The following PLCG2 variants were observed in gnomAD, a reference collection of about 807,000 sequenced individuals.
PLCG2 encodes the protein 1-phosphatidylinositol 4,5-bisphosphate phosphodiesterase gamma-2.
In PLCG2, 69 loss-of-function variants were observed where a neutral mutation model predicts 175.6. The observed-to-expected ratio is 0.39, with a 90% CI of 0.32 to 0.48. The LOEUF is 0.48. PLCG2 is among the 20% of genes least tolerant of loss of function. PLCG2 has a pLI of 0.91. For missense variants in PLCG2, 1,798 were observed against 1,650.9 expected (o/e 1.09, Z -1.54); for synonymous variants, 827 against 624.0 (o/e 1.33, Z -4.85).
In PLCG2 at chr16:81,946,110, CA is replaced by C. The variant is rs1264786794; in HGVS notation, c.3482-57del. 88 of 1,283,878 alleles carry C rather than the reference CA, an allele frequency of 6.9e-5. 1 individual carries two copies. In the East Asian group the frequency reaches 1.1e-3, roughly 16 times the overall value. 79.5% of individuals were successfully genotyped at this position (1,283,878 alleles called of 1,614,324 possible). On this transcript the variant is annotated intron_variant, in intron 30 of 32. Transcript: ENST00000564138. ...AGGCCTATGATCCCGAGGTAGCCTC[CA>C]AAAAAAATCTAAGGTCTGACATTAA...
chr16:81,787,916 G>A (rs1375771413), intron 2 of PLCG2, among the ~76,000 whole-genome samples: 3 of 152,162 alleles, frequency 2.0e-5, no homozygotes, highest in Non-Finnish European at 4.4e-5. Context: ...TCCTTTTTGT[G>A]GCAGAATCAC....
intron 21 of PLCG2, 62 bp from the exon 22 acceptor site, chr16:81,923,423 G>A (rs1243557735): frequency 9.0e-6 from 9 of 999,570 alleles, no homozygotes; most frequent in South Asian, 4.1e-5. Flanking sequence ...ACCTGGGAAC[G>A]CAGCCGCCTC....
At chr16:81,937,942 G>A (rs568944451) in intron 28 of PLCG2, 39 bp downstream of exon 28, 30 of 1,604,586 alleles carry the variant, frequency 1.9e-5, no homozygotes, top group Admixed American at 3.3e-5. Context: ...GGAGCCAGCC[G>A]CCCTCCCTGG....
At chr16:81,926,008 C>G (rs895068803) in intron 22 of PLCG2, among the ~76,000 whole-genome samples, 3 of 152,048 alleles carry the variant, frequency 2.0e-5, no homozygotes, top group African/African-American at 7.3e-5. Context: ...CAGGGGACCA[C>G]AGAGGAAGAG....
intron 8 of PLCG2, among the ~76,000 whole-genome samples, chr16:81,882,531 G>A (rs1234326038): frequency 6.6e-6 from 1 of 152,004 alleles, no homozygotes; most frequent in Non-Finnish European, 1.5e-5. Context: ...CGGGCGGGTG[G>A]TGTGTCGAGC....
chr16:81,776,021 C>A (rs776183439), upstream of PLCG2, among the ~76,000 whole-genome samples: 17 of 151,928 alleles, frequency 1.1e-4, no homozygotes, highest in Non-Finnish European at 1.5e-4. Context: ...TGACAGCTAA[C>A]CTGTGACAGG....
At chr16:81,751,976 T>C (rs1179889686) in intron 1 of PLCG2, among the ~76,000 whole-genome samples, 1 of 152,078 alleles carries the variant, frequency 6.6e-6, no homozygotes, top group East Asian at 1.9e-4. Flanking sequence ...GAGCCGAGAT[T>C]GTGCCACTGC....
At chr16:81,837,205 G>A (rs910904466) in intron 2 of PLCG2, among the ~76,000 whole-genome samples, 3 of 152,234 alleles carry the variant, frequency 2.0e-5, no homozygotes, top group African/African-American at 7.2e-5. Context: ...TCAGATGGAA[G>A]TCAGAAAAGT....
At chr16:81,784,592 C>G (rs1447573825) in intron 1 of PLCG2, among the ~76,000 whole-genome samples, 4 of 152,132 alleles carry the variant, frequency 2.6e-5, no homozygotes, top group African/African-American at 9.7e-5. Context: ...CCTCCAGGGA[C>G]TTGGAGGGAA....
Position 81,858,348 on chromosome 16 carries a change from T to C in PLCG2, c.423T>C (p.Ile141=). The C allele has an allele frequency of 1.2e-6, 2 of 1,612,228 alleles. No individual in the cohort carries two copies. The highest frequency in any genetic ancestry group is 3.3e-4 in the Middle Eastern group (2 of 6,058). ...CGATGAATGCGTCCACGCCCACCAT[T>C]ATCGAGAGGTAGTTGGCTTTTGCCT... The part of the protein sequence containing the change: ...QEAMNASTPT[I]IESWLRKQIY... Residue 141 remains isoleucine (I), a synonymous_variant, in exon 4 of 33, where the codon ATT becomes ATC. Coordinates refer to ENST00000564138, the MANE Select transcript of PLCG2 (RefSeq NM_002661.5).
intron 1 of PLCG2, among the ~76,000 whole-genome samples, chr16:81,754,991 C>G (rs1456471505): frequency 1.3e-5 from 2 of 152,042 alleles, no homozygotes; most frequent in Non-Finnish European, 2.9e-5. Flanking sequence ...TGTCCTTAGG[C>G]AAATTGCTTA....
Position 81,937,802 on chromosome 16 carries a change from C to T in PLCG2, c.3097C>T (p.Arg1033Cys), listed in dbSNP as rs376667295. The stretch of plus-strand genomic sequence containing the variant: ...TCACGCATTGTTTTCTCTCAATGGG[C>T]GCACGGGCTACGTTCTGCAGCCTGA... Reference protein sequence around the residue: ...MNHALFSLNGRTGYVLQPESM... With the variant: ...MNHALFSLNGCTGYVLQPESM... Residue 1033 changes from arginine to cysteine, a missense_variant, in exon 28 of 33, where the codon CGC becomes TGC. Arg to Cys is a radical substitution (Grantham distance 180). Transcript: ENST00000564138. 10 of 1,613,676 alleles carry T rather than the reference C, an allele frequency of 6.2e-6. No individual in the cohort carries two copies. Among genetic ancestry groups the T allele is most frequent in the Admixed American group, 1.7e-5 (1 of 59,986 alleles).
intron 2 of PLCG2, among the ~76,000 whole-genome samples, chr16:81,845,894 A>G (rs1269602422): frequency 6.6e-6 from 1 of 152,218 alleles, no homozygotes; most frequent in Non-Finnish European, 1.5e-5. Flanking sequence ...TATGAGTCAA[A>G]GTTCAAATGC....
chr16:81,820,394 A>G (rs1477396948), intron 2 of PLCG2, among the ~76,000 whole-genome samples: 1 of 152,118 alleles, frequency 6.6e-6, no homozygotes, highest in Non-Finnish European at 1.5e-5. Context: ...CCTTGGTTTT[A>G]GAATTTCATA....
At chr16:81,823,787 C>G (rs1370793869) in intron 2 of PLCG2, among the ~76,000 whole-genome samples, 1 of 151,822 alleles carries the variant, frequency 6.6e-6, no homozygotes, top group Non-Finnish European at 1.5e-5. Flanking sequence ...ACCTCGGTGT[C>G]CCAAAGTGCT....
rs1258934947 is a variant in PLCG2, at chr16:81,822,780, A to AAAAAAAT, written c.194-31663_194-31662insAAAAATA. Reference sequence around the variant, plus strand: ...CCATCTCAAAAAAAAAAAAAAAAAAAAGAAAAAGGCAGGAGATCAGAGTGA... The same window carrying AAAAAAAT: ...CCATCTCAAAAAAAAAAAAAAAAAAAAAAAAATAGAAAAAGGCAGGAGATCAGAGTGA... On this transcript the variant is annotated intron_variant, in intron 2 of 32. Coordinates refer to ENST00000564138, the MANE Select transcript of PLCG2 (RefSeq NM_002661.5). Among the ~76,000 whole-genome samples, 411 of 150,894 alleles carry AAAAAAAT rather than the reference A, an allele frequency of 2.7e-3. 6 individuals carry two copies. The highest frequency in any genetic ancestry group is 9.3e-3 in the African/African-American group (379 of 40,948).
chr16:81,754,377 C>T (rs577188086), intron 1 of PLCG2, among the ~76,000 whole-genome samples: 1 of 54,560 alleles, frequency 1.8e-5, no homozygotes, highest in Admixed American at 1.8e-4. Context: ...CCACCTCCTC[C>T]CCACCCCTCC....
In PLCG2 at chr16:81,771,313, A is replaced by C. The variant is rs145284154; in HGVS notation, c.-47-14630A>C. 6.4e-4 allele frequency among the ~76,000 whole-genome samples: 98 copies of C among 152,184 alleles called. 1 individual carries two copies. The highest frequency in any genetic ancestry group is 2.3e-3 in the African/African-American group (94 of 41,518). On this transcript the variant is annotated intron_variant, in intron 2 of 5. Transcript: ENST00000565054. Reference sequence around the variant, plus strand: ...TGTTGTCACAGCTCACTGCAGCCTTAAACGCCTGTGCTCAAGGGATCCTCC... The same window carrying C: ...TGTTGTCACAGCTCACTGCAGCCTTCAACGCCTGTGCTCAAGGGATCCTCC...
intron 2 of PLCG2, among the ~76,000 whole-genome samples, chr16:81,794,886 C>A (rs1158289637): frequency 6.6e-6 from 1 of 152,188 alleles, no homozygotes; most frequent in Non-Finnish European, 1.5e-5. Flanking sequence ...GAGTATGTGT[C>A]CTCCACTTTG....
Sources: allele counts gnomAD v4.1 joint callset (sites outside exome capture counted in the v4.1 genomes callset), GRCh38; gene constraint gnomAD v4.1.1; transcripts MANE v1.5; gene names NCBI Gene and HGNC (gene_info 2026-07-23, HGNC 2026-07-21).